CDC42BPA: variants seen among roughly 807,000 people sequenced by gnomAD.
CDC42BPA encodes serine/threonine-protein kinase MRCK alpha.
A neutral mutation model predicts 223.5 loss-of-function variants in CDC42BPA; 80 were observed. The ratio of observed to expected loss-of-function variants is 0.36; its 90% CI spans 0.30 to 0.43. The LOEUF (loss-of-function observed/expected upper bound fraction) is 0.43. CDC42BPA is among the 20% of genes least tolerant of loss of function. The pLI is 1.00. For synonymous variants in CDC42BPA, 694 were observed against 718.6 expected (o/e 0.97, Z 0.55); for missense variants, 1,743 against 2,099.9 (o/e 0.83, Z 3.32).
intron 5 of CDC42BPA, among the ~76,000 whole-genome samples, chr1:227,186,517 G>A (rs1168089143): frequency 6.6e-6 from 1 of 152,124 alleles, no homozygotes; most frequent in Non-Finnish European, 1.5e-5. Context: ...AGGCAGGAAG[G>A]GAGGTACAGA....
At chr1:227,011,117 T>G (rs1397053011) in intron 34 of CDC42BPA, 2 of 984,678 alleles carry the variant, frequency 2.0e-6, no homozygotes, top group East Asian at 1.3e-4. Context: ...GAAAATGGAT[T>G]CACATTTCAC....
chr1:227,235,676 A>G (rs1333087901), intron 2 of CDC42BPA, among the ~76,000 whole-genome samples: 3 of 152,136 alleles, frequency 2.0e-5, no homozygotes, highest in African/African-American at 7.2e-5. Flanking sequence ...CACCGCTGAC[A>G]AGGCAAAGTG....
chr1:227,178,988 G>A (rs1158569766), intron 5 of CDC42BPA, among the ~76,000 whole-genome samples: 1 of 152,174 alleles, frequency 6.6e-6, no homozygotes, highest in African/African-American at 2.4e-5. Flanking sequence ...TTACCAGGCA[G>A]TCTACCTGGT....
At chr1:227,001,851 G>T (rs1229499457) in intron 35 of CDC42BPA, among the ~76,000 whole-genome samples, 1 of 152,018 alleles carries the variant, frequency 6.6e-6, no homozygotes, top group Non-Finnish European at 1.5e-5. Context: ...AGGTTTCAGT[G>T]AGCCAAGATC....
chr1:227,140,317 G>C (rs148782240), intron 9 of CDC42BPA, among the ~76,000 whole-genome samples: 31 of 152,148 alleles, frequency 2.0e-4, no homozygotes, highest in African/African-American at 7.0e-4. Flanking sequence ...AATGTTAAAT[G>C]CTAAGGAGAA....
intron 11 of CDC42BPA, among the ~76,000 whole-genome samples, chr1:227,121,802 CTT>C (rs11327691): frequency 3.9e-4 from 52 of 134,034 alleles, no homozygotes; most frequent in Non-Finnish European, 4.8e-4. Context: ...TCTTTTTTTT[CTT>C]TTTTTTTTTT....
intron 5 of CDC42BPA, among the ~76,000 whole-genome samples, chr1:227,162,932 A>G (rs374344665): frequency 1.3e-5 from 2 of 148,322 alleles, no homozygotes; most frequent in East Asian, 2.0e-4. Flanking sequence ...TTCCAAACAT[A>G]TGTGTGTGTT....
At chr1:227,161,296 T>C (rs1663844828) in intron 5 of CDC42BPA, among the ~76,000 whole-genome samples, 1 of 152,204 alleles carries the variant, frequency 6.6e-6, no homozygotes, top group African/African-American at 2.4e-5. Flanking sequence ...ATATATAAAA[T>C]GGTTCTGTAA....
chr1:227,114,901 A>G (rs935707056), intron 12 of CDC42BPA, among the ~76,000 whole-genome samples: 2 of 135,922 alleles, frequency 1.5e-5, no homozygotes, highest in Non-Finnish European at 3.2e-5. Context: ...GTTTTAGGAT[A>G]TTTAACTTAA....
chr1:227,033,634 T>A (rs998347991), intron 26 of CDC42BPA, among the ~76,000 whole-genome samples: 1 of 152,166 alleles, frequency 6.6e-6, no homozygotes, highest in Non-Finnish European at 1.5e-5. Context: ...CTAGAAATCA[T>A]TGCTGGCTTA....
chr1:227,239,971 G>A (rs548266208), intron 2 of CDC42BPA, among the ~76,000 whole-genome samples: 1 of 152,106 alleles, frequency 6.6e-6, no homozygotes, highest in South Asian at 2.1e-4. Flanking sequence ...AAAAGGATGC[G>A]TCCCTATTCT....
intron 3 of CDC42BPA, among the ~76,000 whole-genome samples, chr1:227,206,065 T>A (rs1248218576): frequency 6.6e-6 from 1 of 152,160 alleles, no homozygotes; most frequent in Non-Finnish European, 1.5e-5. Context: ...AAAATGTTTT[T>A]AAAAGGTTTT....
intron 1 of CDC42BPA, among the ~76,000 whole-genome samples, chr1:227,309,084 G>T (rs115645469): frequency 6.6e-6 from 1 of 151,846 alleles, no homozygotes; most frequent in African/African-American, 2.4e-5. Flanking sequence ...AAGAAAAAAG[G>T]CCAGGTGCGG....
At chr1:227,200,710 A>T (rs1260354284) in intron 3 of CDC42BPA, among the ~76,000 whole-genome samples, 3 of 152,180 alleles carry the variant, frequency 2.0e-5, no homozygotes, top group African/African-American at 7.2e-5. Flanking sequence ...GAGTTTCTCC[A>T]CTGTATACAC....
At chr1:227,166,968 T>A (rs1328432118) in intron 5 of CDC42BPA, among the ~76,000 whole-genome samples, 1 of 152,108 alleles carries the variant, frequency 6.6e-6, no homozygotes, top group East Asian at 1.9e-4. Context: ...TACACTTAAT[T>A]GACAGTACCC....
At chr1:227,193,063 CTTTTTTTTT>C (rs1160548241) in intron 5 of CDC42BPA, among the ~76,000 whole-genome samples, 2 of 117,032 alleles carry the variant, frequency 1.7e-5, no homozygotes, top group Middle Eastern at 5.0e-3. Context: ...GAAGTGAGAA[CTTTTTTTTT>C]TTTTTTTTTT....
In CDC42BPA at chr1:227,283,920, T is replaced by A. The variant is rs190908172; in HGVS notation, c.179-29765A>T. Among the ~76,000 whole-genome samples the A allele has an allele frequency of 1.8e-3, 267 of 152,248 alleles. 2 individuals are homozygous for A. Among genetic ancestry groups the A allele is most frequent in the Non-Finnish European group, 3.0e-3 (202 of 68,012 alleles). On this transcript the variant is annotated intron_variant, in intron 1 of 36. Transcript: ENST00000366766. ...GGATTTTGCCCAAATTAGCTGGGCA[T>A]GGTGGCGCATGACTGTAATCCCAGC...
chr1:227,081,610 G>A (rs12401556), intron 16 of CDC42BPA, among the ~76,000 whole-genome samples: 13,849 of 151,730 alleles, frequency 0.091, 852 homozygotes, highest in Middle Eastern at 0.16. Flanking sequence ...GCGCCATCAC[G>A]CCCGGCTAAT....
chr1:227,227,637 T>C (rs1677078984), intron 2 of CDC42BPA, among the ~76,000 whole-genome samples: 1 of 152,346 alleles, frequency 6.6e-6, no homozygotes, highest in East Asian at 1.9e-4. Context: ...CCAGGCATCA[T>C]AGCTGGCCTT....
Sources: allele counts gnomAD v4.1 joint callset (sites outside exome capture counted in the v4.1 genomes callset), GRCh38; gene constraint gnomAD v4.1.1; transcripts MANE v1.5; gene names NCBI Gene and HGNC (gene_info 2026-07-23, HGNC 2026-07-21).